RAB38: variants seen among roughly 807,000 people sequenced by gnomAD.
The protein encoded by RAB38 is ras-related protein Rab-38.
A neutral mutation model predicts 18.4 loss-of-function variants in RAB38; 15 were observed. The ratio of observed to expected loss-of-function variants is 0.82; its 90% CI spans 0.55 to 1.26. The LOEUF (loss-of-function observed/expected upper bound fraction) is 1.26. Ranked by LOEUF, RAB38 falls within the 50% of genes most tolerant of loss-of-function variation. The pLI, the probability that RAB38 is intolerant of heterozygous loss-of-function variation, is 0.00. For missense variants in RAB38, 294 were observed against 267.4 expected, an observed-to-expected ratio of 1.10 and a Z score of -0.69; for synonymous variants, 101 against 104.4, an observed-to-expected ratio of 0.97 and a Z score of 0.20.
chr11:87,966,807 G>A, the RAB38 span, among the ~76,000 whole-genome samples: 1 of 152,182 alleles, frequency 6.6e-6, no homozygotes, highest in African/African-American at 2.4e-5. Flanking sequence ...TAGGGTCTGG[G>A]AATTGGATCA....
chr11:88,072,990 T>C, the RAB38 span, among the ~76,000 whole-genome samples: 1 of 152,052 alleles, frequency 6.6e-6, no homozygotes, highest in Non-Finnish European at 1.5e-5. Context: ...AATAAGAGAA[T>C]TGGGCTTGTA....
the RAB38 span, among the ~76,000 whole-genome samples, chr11:88,027,700 A>C: frequency 6.6e-6 from 1 of 152,200 alleles, no homozygotes; most frequent in Non-Finnish European, 1.5e-5. Flanking sequence ...AGGCTTGCTT[A>C]GGTAAACAAA....
chr11:88,120,109 A>C (rs1455617876), intron 2 of RAB38, among the ~76,000 whole-genome samples: 1 of 152,160 alleles, frequency 6.6e-6, no homozygotes, highest in African/African-American at 2.4e-5. Flanking sequence ...CCTCCACTGC[A>C]ATCATTAGCT....
the RAB38 span, among the ~76,000 whole-genome samples, chr11:87,938,929 G>T: frequency 6.6e-6 from 1 of 151,738 alleles, no homozygotes; most frequent in Non-Finnish European, 1.5e-5. Context: ...GGATGAATAG[G>T]GAAATGTACT....
At chr11:87,899,659 T>C in the RAB38 span, among the ~76,000 whole-genome samples, 2 of 151,532 alleles carry the variant, frequency 1.3e-5, no homozygotes, top group Non-Finnish European at 3.0e-5. Flanking sequence ...ATGATTAAAT[T>C]GTCCAGGGAA....
intron 1 of RAB38, among the ~76,000 whole-genome samples, chr11:88,162,015 GA>G (rs1221602557): frequency 1.3e-5 from 2 of 151,966 alleles, no homozygotes; most frequent in African/African-American, 4.8e-5. Flanking sequence ...TAATCTAGAA[GA>G]AAAAAATCAA....
the RAB38 span, among the ~76,000 whole-genome samples, chr11:88,033,375 A>G: frequency 9.0e-6 from 1 of 111,626 alleles, no homozygotes; most frequent in African/African-American, 2.7e-5. Context: ...CTTAAAGTAC[A>G]ATAATAATAA....
chr11:88,136,897 C>T (rs894489251), intron 2 of RAB38, among the ~76,000 whole-genome samples: 4 of 152,310 alleles, frequency 2.6e-5, no homozygotes, highest in Admixed American at 2.6e-4. Context: ...GACATTTACA[C>T]CCCAAGTCAA....
chr11:87,974,626 C>T, the RAB38 span, among the ~76,000 whole-genome samples: 3 of 151,506 alleles, frequency 2.0e-5, no homozygotes, highest in African/African-American at 4.8e-5. Flanking sequence ...CCTACACACC[C>T]AAGAAGCTCA....
At chr11:87,929,899 A>C in the RAB38 span, among the ~76,000 whole-genome samples, 2 of 151,660 alleles carry the variant, frequency 1.3e-5, no homozygotes, top group Non-Finnish European at 1.5e-5. Context: ...TGAACTCATC[A>C]TTTTTTATGG....
chr11:88,110,487 A>G (rs1008022546), downstream of RAB38, among the ~76,000 whole-genome samples: 8 of 152,214 alleles, frequency 5.3e-5, no homozygotes, highest in African/African-American at 1.9e-4. Flanking sequence ...AAACCTGCAC[A>G]TTCTGCATAT....
the RAB38 span, among the ~76,000 whole-genome samples, chr11:87,977,970 A>C: frequency 2.2e-4 from 25 of 112,832 alleles, no homozygotes; most frequent in African/African-American, 8.5e-4. Flanking sequence ...AATAAGATAT[A>C]TTATATAAAT....
At chr11:87,806,864 CATTT>C in the RAB38 span, among the ~76,000 whole-genome samples, 2 of 152,102 alleles carry the variant, frequency 1.3e-5, no homozygotes, top group African/African-American at 4.8e-5. Context: ...TCTTACAAGG[CATTT>C]AGTCAGGTAT....
chr11:88,174,637 A>AAAAAAAAAAAC (rs1555014231), intron 1 of RAB38, among the ~76,000 whole-genome samples: 4 of 133,704 alleles, frequency 3.0e-5, no homozygotes, highest in Admixed American at 7.8e-5. Context: ...AAAAAAAAAA[A>AAAAAAAAAAAC]AAAACAAAAC....
chr11:88,029,498 A>C, the RAB38 span, among the ~76,000 whole-genome samples: 23 of 152,198 alleles, frequency 1.5e-4, no homozygotes, highest in Non-Finnish European at 2.1e-4. Flanking sequence ...TCACATGCAG[A>C]GACACACATA....
chr11:88,021,031 T>C, the RAB38 span, among the ~76,000 whole-genome samples: 1 of 152,006 alleles, frequency 6.6e-6, no homozygotes, highest in South Asian at 2.1e-4. Flanking sequence ...TAATGATGCG[T>C]CTTAAAGAAC....
chr11:88,055,942 T>C, the RAB38 span, among the ~76,000 whole-genome samples: 1 of 152,176 alleles, frequency 6.6e-6, no homozygotes, highest in Non-Finnish European at 1.5e-5. Context: ...TTAGTTGAGC[T>C]TTGTTTTGCT....
the RAB38 span, among the ~76,000 whole-genome samples, chr11:87,885,798 AT>A: frequency 6.6e-6 from 1 of 151,968 alleles, no homozygotes; most frequent in Non-Finnish European, 1.5e-5. Flanking sequence ...TAGCATGGGA[AT>A]TTTTTAAAAA....
chr11:88,071,718 G>A, the RAB38 span, among the ~76,000 whole-genome samples: 1 of 152,182 alleles, frequency 6.6e-6, no homozygotes, highest in East Asian at 1.9e-4. Flanking sequence ...CAATTGATTG[G>A]TAATAGGGGC....
Sources: gnomAD v4.1 joint callset for allele counts (sites outside exome capture counted in the v4.1 genomes callset) on GRCh38, gnomAD v4.1.1 for gene constraint, MANE v1.5 for transcripts, NCBI Gene and HGNC (gene_info 2026-07-23, HGNC 2026-07-21) for gene names.